Variants in CSMD1 observed in about 807,000 individuals in gnomAD.
CSMD1 encodes the protein CUB and sushi domain-containing protein 1.
In CSMD1, 213 loss-of-function variants were observed where a neutral mutation model predicts 417.5. The ratio of observed to expected loss-of-function variants is 0.51; its 90% CI spans 0.46 to 0.57. The LOEUF is 0.57. CSMD1 is among the 20% of genes least tolerant of loss of function. CSMD1 has a pLI of 0.00. For missense variants in CSMD1, 6,923 were observed against 4,529.7 expected, an observed-to-expected ratio of 1.53 and a Z score of -15.17; for synonymous variants, 2,862 against 1,736.8, an observed-to-expected ratio of 1.65 and a Z score of -16.11.
chr8:4,345,764 C>G (rs1800743443), intron 3 of CSMD1, among the ~76,000 whole-genome samples: 1 of 152,116 alleles, frequency 6.6e-6, no homozygotes, highest in East Asian at 1.9e-4. Context: ...GCTATCATCT[C>G]AACCCCGTTA....
At chr8:4,565,412 G>A (rs1425741003) in intron 2 of CSMD1, among the ~76,000 whole-genome samples, 1 of 151,920 alleles carries the variant, frequency 6.6e-6, no homozygotes, top group Non-Finnish European at 1.5e-5. Flanking sequence ...ACATTGCAGT[G>A]GAATAATTCA....
chr8:4,932,566 T>G (rs1413932479), intron 1 of CSMD1, among the ~76,000 whole-genome samples: 1 of 152,214 alleles, frequency 6.6e-6, no homozygotes, highest in African/African-American at 2.4e-5. Flanking sequence ...CGTGTGCTCT[T>G]GTCTTAGAAA....
intron 3 of CSMD1, among the ~76,000 whole-genome samples, chr8:4,386,684 G>A (rs191438092): frequency 6.6e-6 from 1 of 152,340 alleles, no homozygotes; most frequent in East Asian, 1.9e-4. Flanking sequence ...AGCCCTTGCA[G>A]AATGTATTGC....
intron 2 of CSMD1, among the ~76,000 whole-genome samples, chr8:4,578,778 C>T (rs2130687678): frequency 1.4e-5 from 2 of 142,406 alleles, no homozygotes; most frequent in South Asian, 2.3e-4. Context: ...CGTGCCACTG[C>T]ACTCTAGCCT....
At chr8:4,340,032 A>G (rs1442626927) in intron 3 of CSMD1, among the ~76,000 whole-genome samples, 1 of 152,066 alleles carries the variant, frequency 6.6e-6, no homozygotes, top group African/African-American at 2.4e-5. Context: ...AGCGAAAATT[A>G]TGTTGAGCAG....
At chr8:4,947,151 A>G (rs1023890295) in intron 1 of CSMD1, among the ~76,000 whole-genome samples, 1 of 152,204 alleles carries the variant, frequency 6.6e-6, no homozygotes, top group African/African-American at 2.4e-5. Context: ...TTTAACACAA[A>G]TTCACAACAA....
chr8:4,296,839 G>A (rs1476009863), intron 3 of CSMD1, among the ~76,000 whole-genome samples: 2 of 151,624 alleles, frequency 1.3e-5, no homozygotes, highest in Non-Finnish European at 2.9e-5. Context: ...ATCTGTGGAG[G>A]GCCTGCTATC....
chr8:4,643,771 T>A (rs936586715), intron 1 of CSMD1, among the ~76,000 whole-genome samples: 7 of 152,156 alleles, frequency 4.6e-5, no homozygotes, highest in Non-Finnish European at 1.0e-4. Flanking sequence ...TATTCCAGGG[T>A]CTGCATTATG....
chr8:4,036,736 C>T (rs376348052), intron 3 of CSMD1, among the ~76,000 whole-genome samples: 4 of 152,204 alleles, frequency 2.6e-5, no homozygotes, highest in African/African-American at 9.6e-5. Flanking sequence ...CAGTTGCAGG[C>T]TTTTATTTTA....
At position 3,162,154 on chromosome 8, in the gene CSMD1, G is replaced by C. The variant is rs554868912; in HGVS notation, c.5844+5C>G. 2.0e-5 allele frequency: 31 copies of C among 1,571,794 alleles called. No homozygotes were observed. Among genetic ancestry groups the C allele is most frequent in the Non-Finnish European group, 2.5e-5 (29 of 1,148,358 alleles). ...GTTATTCCTGAGCACTGAGAAGAAGGATACCTGCAGGGTGTACCCGGGCTC... is the reference window on the plus strand; with the variant it reads ...GTTATTCCTGAGCACTGAGAAGAAGCATACCTGCAGGGTGTACCCGGGCTC... On this transcript the variant is annotated splice_donor_5th_base_variant and intron_variant, in intron 38 of 69. Coordinates refer to ENST00000635120, the MANE Select transcript of CSMD1 (RefSeq NM_033225.6).
At position 4,399,151 on chromosome 8, in the gene CSMD1, G is replaced by C. The variant is rs188069868; in HGVS notation, c.415+20802C>G. ...AAAATGGGAATAATGATAAAACTTT[G>C]TGTGATCAGCATACAGATTAATAAA... On this transcript the variant is annotated intron_variant, in intron 3 of 69. Transcript: ENST00000635120. Among the ~76,000 whole-genome samples, 29 of 152,274 alleles carry C rather than the reference G, an allele frequency of 1.9e-4. No homozygotes were observed. The East Asian group carries it at 4.6e-3, about 24-fold the overall frequency.
intron 7 of CSMD1, among the ~76,000 whole-genome samples, chr8:3,707,323 G>T (rs1452026492): frequency 6.6e-6 from 1 of 152,176 alleles, no homozygotes; most frequent in East Asian, 1.9e-4. Flanking sequence ...ACCCGAGAGG[G>T]TTCAGATGTC....
intron 3 of CSMD1, among the ~76,000 whole-genome samples, chr8:4,274,879 A>G (rs1340613842): frequency 6.6e-6 from 1 of 152,154 alleles, no homozygotes; most frequent in Non-Finnish European, 1.5e-5. Flanking sequence ...CAAGTACCCA[A>G]AAGGTTTGCT....
Position 4,236,026 on chromosome 8 carries a change from G to GCTTTTT in CSMD1, c.415+183926_415+183927insAAAAAG, listed in dbSNP as rs1420352173. Among the ~76,000 whole-genome samples, 20 of 108,118 alleles carry GCTTTTT rather than the reference G, an allele frequency of 1.8e-4. 2 individuals carry two copies. The highest frequency in any genetic ancestry group is 3.5e-4 in the South Asian group (1 of 2,864). 70.9% of individuals were successfully genotyped at this position (108,118 alleles called of 152,430 possible). On this transcript the variant is annotated intron_variant, in intron 3 of 69. Transcript: ENST00000635120. ...GTGAGCAAAGAGGTTAATGGATATTGTTTTTTTTGTTTGTTTTTTTTTTTT... is the reference window on the plus strand; with the variant it reads ...GTGAGCAAAGAGGTTAATGGATATTGCTTTTTTTTTTTTTGTTTGTTTTTTTTTTTT...
At chr8:3,770,772 T>A (rs1798523854) in intron 5 of CSMD1, among the ~76,000 whole-genome samples, 1 of 152,136 alleles carries the variant, frequency 6.6e-6, no homozygotes, top group Non-Finnish European at 1.5e-5. Flanking sequence ...AAACCCATAC[T>A]TAATTGCAGT....
intron 3 of CSMD1, among the ~76,000 whole-genome samples, chr8:4,082,016 A>G (rs1037487803): frequency 6.6e-6 from 1 of 152,162 alleles, no homozygotes; most frequent in Non-Finnish European, 1.5e-5. Context: ...ATAAAATTTT[A>G]AAAGGCAAAT....
intron 1 of CSMD1, among the ~76,000 whole-genome samples, chr8:4,822,646 G>C (rs1419024468): frequency 1.3e-5 from 2 of 151,928 alleles, no homozygotes; most frequent in East Asian, 1.9e-4. Flanking sequence ...AAAGATACTT[G>C]AGATACTTTG....
At chr8:4,795,318 C>T (rs1442857473) in intron 1 of CSMD1, among the ~76,000 whole-genome samples, 2 of 112,976 alleles carry the variant, frequency 1.8e-5, no homozygotes, top group African/African-American at 6.8e-5. Flanking sequence ...GTCGCCTAGG[C>T]TGGAGTGCAG....
intron 5 of CSMD1, among the ~76,000 whole-genome samples, chr8:3,782,470 G>C (rs970120449): frequency 1.3e-5 from 2 of 152,128 alleles, no homozygotes; most frequent in Admixed American, 6.5e-5. Flanking sequence ...AACATGTATA[G>C]ATAATCTAAT....
Sources: allele counts gnomAD v4.1 joint callset (sites outside exome capture counted in the v4.1 genomes callset), GRCh38; gene constraint gnomAD v4.1.1; transcripts MANE v1.5; gene names NCBI Gene and HGNC (gene_info 2026-07-23, HGNC 2026-07-21).